ADCY9: variants seen among roughly 807,000 people sequenced by gnomAD.
ADCY9 encodes adenylate cyclase 9, also known as adenylate cyclase type 9.
A neutral mutation model predicts 101.5 loss-of-function variants in ADCY9; 50 were observed. The ratio of observed to expected loss-of-function variants is 0.49; its 90% CI spans 0.39 to 0.62. The LOEUF is 0.62. Ranked by LOEUF, ADCY9 falls within the 20% of genes least tolerant of loss-of-function variation. The probability of loss-of-function intolerance (pLI) is 0.00; values close to 1 mark genes in which losing one functional copy is unlikely to be tolerated. For synonymous variants in ADCY9, 905 were observed against 769.3 expected (o/e 1.18, Z -2.92); for missense variants, 1,662 against 1,800.4 (o/e 0.92, Z 1.39).
At chr16:4,012,069 T>C (rs2056407961) in intron 2 of ADCY9, among the ~76,000 whole-genome samples, 1 of 152,244 alleles carries the variant, frequency 6.6e-6, no homozygotes, top group Non-Finnish European at 1.5e-5. Context: ...CAATAATTGC[T>C]CCTGATTTGT....
intron 5 of ADCY9, among the ~76,000 whole-genome samples, chr16:3,956,859 T>A (rs1447049676): frequency 6.6e-6 from 1 of 151,964 alleles, no homozygotes; most frequent in East Asian, 1.9e-4. Context: ...CTATGACCAT[T>A]TGGATAATTT....
intron 2 of ADCY9, chr16:4,054,232 G>C (rs73492507): frequency 6.6e-6 from 1 of 152,100 alleles, no homozygotes; most frequent in Non-Finnish European, 1.5e-5. Flanking sequence ...CAGAGACAAT[G>C]GGATCAGGAA....
downstream of ADCY9, among the ~76,000 whole-genome samples, chr16:3,958,602 A>T (rs2055920643): frequency 6.7e-6 from 1 of 150,192 alleles, no homozygotes; most frequent in African/African-American, 2.4e-5. Context: ...AGCAGCTGCC[A>T]TGAGCTCCTT....
At chr16:4,100,255 G>A (rs895891280) in intron 2 of ADCY9, among the ~76,000 whole-genome samples, 1 of 151,998 alleles carries the variant, frequency 6.6e-6, no homozygotes, top group African/African-American at 2.4e-5. Flanking sequence ...GTTTCCTGAC[G>A]CCTCCCCAGC....
At chr16:3,962,586 A>T (rs139380454), downstream of ADCY9, 1 of 152,198 alleles carries the variant, frequency 6.6e-6, no homozygotes, top group Non-Finnish European at 1.5e-5. Flanking sequence ...GAGCTGTCCA[A>T]GGAAGACCGC....
Position 4,107,037 on chromosome 16 carries a change from G to A in ADCY9, c.1693+6713C>T, listed in dbSNP as rs189725103. Among the ~76,000 whole-genome samples, 5 of 152,182 alleles carry A rather than the reference G, an allele frequency of 3.3e-5. No individual in the cohort carries two copies. The East Asian group carries it at 7.7e-4, about 24-fold the overall frequency. On this transcript the variant is annotated intron_variant, in intron 2 of 10. Transcript: ENST00000294016. ...GCTTTACCAGAGGTTACTTCTACTC[G>A]AAAGCTTGTCTTCAGAATTAACAGC...
At chr16:3,972,820 C>A (rs1034687063) in intron 10 of ADCY9, among the ~76,000 whole-genome samples, 1 of 151,956 alleles carries the variant, frequency 6.6e-6, no homozygotes, top group Admixed American at 6.6e-5. Context: ...AGTGGTAATG[C>A]TCTACTTCTT....
intron 2 of ADCY9, among the ~76,000 whole-genome samples, chr16:4,088,500 G>T (rs143775122): frequency 6.6e-6 from 1 of 151,998 alleles, no homozygotes; most frequent in Non-Finnish European, 1.5e-5. Context: ...ATGTGAACCA[G>T]GCTGGTCTTG....
chr16:3,958,117 G>A (rs2055917554), downstream of ADCY9, among the ~76,000 whole-genome samples: 1 of 152,208 alleles, frequency 6.6e-6, no homozygotes, highest in Admixed American at 6.5e-5. Flanking sequence ...TCAAAGAGCA[G>A]CGGGGGCTCT....
chr16:3,981,313 A>T (rs1354553106), intron 7 of ADCY9, among the ~76,000 whole-genome samples: 1 of 152,220 alleles, frequency 6.6e-6, no homozygotes, highest in Non-Finnish European at 1.5e-5. Flanking sequence ...AGGGAATAAT[A>T]GCTAAAGGGT....
chr16:4,066,756 T>G (rs1312919664), intron 2 of ADCY9, among the ~76,000 whole-genome samples: 2 of 152,120 alleles, frequency 1.3e-5, no homozygotes, highest in African/African-American at 4.8e-5. Flanking sequence ...GAAAAAAAAG[T>G]GAATATTATT....
intron 2 of ADCY9, among the ~76,000 whole-genome samples, chr16:4,011,159 G>A (rs894084656): frequency 1.8e-4 from 27 of 152,300 alleles, no homozygotes; most frequent in Admixed American, 1.2e-3. Flanking sequence ...GGCCAGGGGC[G>A]GGGGTGGCTG....
intron 5 of ADCY9, among the ~76,000 whole-genome samples, chr16:3,954,397 G>A (rs542364967): frequency 8.1e-4 from 124 of 152,326 alleles, no homozygotes; most frequent in African/African-American, 2.7e-3. Context: ...CTGGCGTGCT[G>A]CTGCTGGGCC....
At position 4,114,129 on chromosome 16, in the gene ADCY9, G is replaced by T; in HGVS notation, c.1314C>A (p.Ile438=). 1 of 1,613,866 alleles carries T rather than the reference G, an allele frequency of 6.2e-7. No homozygotes were observed. Among genetic ancestry groups the T allele is most frequent in the African/African-American group, 1.3e-5 (1 of 75,050 alleles). Reference sequence around the variant, plus strand: ...AGTAGTAACAGTCTCCCAGGGTGCTGATTTTCTCACACTTGGTCTCCTCAC... The same window carrying T: ...AGTAGTAACAGTCTCCCAGGGTGCTTATTTTCTCACACTTGGTCTCCTCAC... ...RLCEETKCEK[I]STLGDCYYCV... The change falls in exon 2 of 11, where the codon ATC becomes ATA. Residue 438 remains isoleucine (I), a synonymous_variant. Transcript: ENST00000294016. This position sits in a 1 kb window ranked among gnomAD's most constrained non-coding sequence, Gnocchi z 4.3.
At chr16:4,113,498 G>A (rs1012224697) in intron 2 of ADCY9, among the ~76,000 whole-genome samples, 1 of 152,166 alleles carries the variant, frequency 6.6e-6, no homozygotes, top group Non-Finnish European at 1.5e-5. Context: ...GGTTATGCAC[G>A]TTCAAAGTTC....
At chr16:4,053,292 T>A (rs556195090) in intron 2 of ADCY9, among the ~76,000 whole-genome samples, 26 of 152,268 alleles carry the variant, frequency 1.7e-4, no homozygotes, top group African/African-American at 6.0e-4. Flanking sequence ...ATGGGAAACA[T>A]CTAAGATTAA....
intron 3 of ADCY9, among the ~76,000 whole-genome samples, chr16:3,999,550 T>C (rs1292672547): frequency 6.6e-6 from 1 of 152,186 alleles, no homozygotes; most frequent in East Asian, 1.9e-4. Flanking sequence ...TGAGCAGCTA[T>C]GCCTGTCCTC....
At chr16:4,052,746 G>A (rs745790984) in intron 2 of ADCY9, among the ~76,000 whole-genome samples, 1 of 152,136 alleles carries the variant, frequency 6.6e-6, no homozygotes, top group Non-Finnish European at 1.5e-5. Flanking sequence ...GTAGCCCTAG[G>A]AAATAAATAT....
downstream of ADCY9, among the ~76,000 whole-genome samples, chr16:3,957,971 A>C (rs150408685): frequency 3.2e-4 from 49 of 152,154 alleles, 1 homozygote; most frequent in African/African-American, 1.2e-3. Flanking sequence ...AAAATAAAGA[A>C]GGTCAGAGGG....
Sources: allele counts gnomAD v4.1 joint callset (sites outside exome capture counted in the v4.1 genomes callset), GRCh38; gene constraint gnomAD v4.1.1; non-coding constraint Gnocchi (gnomAD v3.1); transcripts MANE v1.5; gene names NCBI Gene and HGNC (gene_info 2026-07-23, HGNC 2026-07-21).